ADAM19: variants seen among roughly 807,000 people sequenced by gnomAD.
The protein encoded by ADAM19 is disintegrin and metalloproteinase domain-containing protein 19.
In ADAM19, 65 loss-of-function variants were observed where a neutral mutation model predicts 114.7. That is an observed-to-expected ratio of 0.57 (90% CI 0.46 to 0.70). ADAM19 has a LOEUF of 0.70. ADAM19 is among the 30% of genes least tolerant of loss of function. ADAM19 has a pLI of 0.00. For missense variants in ADAM19, 1,063 were observed against 1,204.7 expected, an observed-to-expected ratio of 0.88 and a Z score of 1.74; for synonymous variants, 466 against 460.5, an observed-to-expected ratio of 1.01 and a Z score of -0.15.
At chr5:157,518,161 A>C (rs1756147832) in intron 7 of ADAM19, among the ~76,000 whole-genome samples, 1 of 152,174 alleles carries the variant, frequency 6.6e-6, no homozygotes, top group Non-Finnish European at 1.5e-5. Context: ...AAAGTTTTAG[A>C]ATTTCCATAG....
In ADAM19 at chr5:157,479,139, CG is replaced by C; in HGVS notation, c.*1809del. ...GATGACCCACAGCAAGGATGACCCACGGCAAGGACATGGGGAACCTGTATCA... is the reference window on the plus strand; with the variant it reads ...GATGACCCACAGCAAGGATGACCCACGCAAGGACATGGGGAACCTGTATCA... On this transcript the variant is annotated 3_prime_UTR_variant, in exon 23 of 23. Coordinates refer to ENST00000257527, the MANE Select transcript of ADAM19 (RefSeq NM_033274.5). 1.0e-6 allele frequency: 1 copy of C among 985,914 alleles called. No individual in the cohort carries two copies. The highest frequency in any genetic ancestry group is 1.2e-6 in the Non-Finnish European group (1 of 829,992). 61.1% of individuals were successfully genotyped at this position (985,914 alleles called of 1,614,324 possible). A position where few individuals can be genotyped will look rare whatever the true frequency, so the allele number is the denominator to read the frequency against.
Position 157,489,624 on chromosome 5 carries a change from C to T in ADAM19, c.2241-438G>A, listed in dbSNP as rs183481901. On this transcript the variant is annotated intron_variant, in intron 19 of 22. Transcript: ENST00000257527. ...AATACATCACTTTTCAAATGGGACA[C>T]CAAAAGCGAGCAGGAGTAGCTATTC... 5.2e-3 allele frequency among the ~76,000 whole-genome samples: 790 copies of T among 152,328 alleles called. 4 individuals are homozygous for T. Among genetic ancestry groups the T allele is most frequent in the Admixed American group, 9.6e-3 (147 of 15,306 alleles).
At position 157,497,042 on chromosome 5, in the gene ADAM19, G is replaced by A. The variant is rs774731029; in HGVS notation, c.1446C>T (p.Asp482=). 1 of 1,573,604 alleles carries A rather than the reference G, an allele frequency of 6.4e-7. No individual in the cohort carries two copies. The highest frequency in any genetic ancestry group is 8.6e-7 in the Non-Finnish European group (1 of 1,163,458). ...TLCREQARQC[D]LPEFCTGKSP... is the part of the protein sequence containing the mutation. ...ACTTGCCCGTACAGAACTCCGGGAG[G>A]TCACACTGCCTGGCCTGCTCGCGGC... Residue 482 remains aspartate, a synonymous_variant, in exon 14 of 23, where the codon GAC becomes GAT. Coordinates refer to ENST00000257527, the MANE Select transcript of ADAM19 (RefSeq NM_033274.5).
intron 12 of ADAM19, 109 bp downstream of exon 12, chr5:157,502,694 G>T: frequency 8.0e-7 from 1 of 1,247,594 alleles, no homozygotes; most frequent in Non-Finnish European, 1.2e-6. Context: ...ACAGTTATAT[G>T]TAGGAAACAC....
At chr5:157,558,360 G>A (rs1310796775) in intron 3 of ADAM19, among the ~76,000 whole-genome samples, 2 of 152,224 alleles carry the variant, frequency 1.3e-5, no homozygotes, top group African/African-American at 4.8e-5. Context: ...CCAGCTGCGA[G>A]TAGAGTTTGG....
intron 16 of ADAM19, among the ~76,000 whole-genome samples, 161 bp downstream of exon 16, chr5:157,492,812 G>T (rs1315609107): frequency 6.6e-6 from 1 of 152,162 alleles, no homozygotes; most frequent in Non-Finnish European, 1.5e-5. Flanking sequence ...AGTTCTCTGG[G>T]GTGGGTGCCT....
In ADAM19 at chr5:157,477,687, G is replaced by A; in HGVS notation, c.*3262C>T. ...TATACACGTGGTTAACACAATTACT[G>A]ACTTTGGAACTGGTCCCCAGTTTTC... On this transcript the variant is annotated 3_prime_UTR_variant, in exon 23 of 23. Transcript: ENST00000257527. 7.8e-7 allele frequency: 1 copy of A among 1,289,748 alleles called. No individual in the cohort carries two copies. Among genetic ancestry groups the A allele is most frequent in the Non-Finnish European group, 1.0e-6 (1 of 988,830 alleles). 79.9% of individuals were successfully genotyped at this position (1,289,748 alleles called of 1,614,324 possible).
intron 15 of ADAM19, among the ~76,000 whole-genome samples, chr5:157,494,263 AGATG>A (rs60209034): frequency 1.0e-3 from 156 of 151,006 alleles, no homozygotes; most frequent in Middle Eastern, 3.4e-3. Flanking sequence ...ATGGATGGAT[AGATG>A]GATGGATGGA....
In ADAM19 at chr5:157,481,839, A is replaced by G; in HGVS notation, c.2655T>C (p.Pro885=). The G allele has an allele frequency of 6.3e-7, 1 of 1,583,438 alleles. No homozygotes were observed. The highest frequency in any genetic ancestry group is 8.6e-7 in the Non-Finnish European group (1 of 1,164,150). Residue 885 remains proline, a synonymous_variant, in exon 22 of 23, where the codon CCT becomes CCC. Coordinates refer to ENST00000257527, the MANE Select transcript of ADAM19 (RefSeq NM_033274.5). ...RPGGASPLRP[P]GAGPQQSRPL... is the part of the protein sequence containing the mutation. ...GCCGGGACTGCTGAGGGCCAGCACC[A>G]GGGGGCCGCAGTGGGGATGCACCTC...
chr5:157,495,632 A>G (rs967519763), intron 14 of ADAM19, among the ~76,000 whole-genome samples: 1 of 151,968 alleles, frequency 6.6e-6, no homozygotes, highest in South Asian at 2.1e-4. Flanking sequence ...ATGGAAGCAT[A>G]TTCTTTTTTT....
At chr5:157,551,411 C>A (rs1478549393) in intron 3 of ADAM19, among the ~76,000 whole-genome samples, 1 of 73,486 alleles carries the variant, frequency 1.4e-5, no homozygotes, top group African/African-American at 6.1e-5. Flanking sequence ...CCCCCCAACC[C>A]CAAAAAAAAA....
chr5:157,491,175 T>A (rs1468708181), intron 18 of ADAM19, among the ~76,000 whole-genome samples: 1 of 152,190 alleles, frequency 6.6e-6, no homozygotes, highest in Non-Finnish European at 1.5e-5. Flanking sequence ...GCTAGAATCC[T>A]TGAGAGATCC....
intron 4 of ADAM19, among the ~76,000 whole-genome samples, chr5:157,536,014 G>A (rs1356703973): frequency 6.6e-6 from 1 of 152,220 alleles, no homozygotes; most frequent in East Asian, 1.9e-4. Context: ...TGAAGAATAT[G>A]AAGTCACAAC....
At chr5:157,490,757 T>C (rs1755125945) in intron 18 of ADAM19, among the ~76,000 whole-genome samples, 1 of 152,040 alleles carries the variant, frequency 6.6e-6, no homozygotes, top group Non-Finnish European at 1.5e-5. Flanking sequence ...CTAGGTGTGG[T>C]GGCACATGCC....
chr5:157,497,959 A>G (rs1755421289), intron 13 of ADAM19, among the ~76,000 whole-genome samples: 1 of 152,252 alleles, frequency 6.6e-6, no homozygotes, highest in South Asian at 2.1e-4. Flanking sequence ...CTGAGGCTCA[A>G]ACGGAAATTC....
rs189494130 is a variant in ADAM19, at chr5:157,543,944, G to C, written c.252-5953C>G. ...TCTAAGATGCTGAAAGAAAAGCAGG[G>C]AAGAGACAGCCAGAGCTGCTTCAGA... On this transcript the variant is annotated intron_variant, in intron 3 of 22. Transcript: ENST00000257527. 2.5e-3 allele frequency among the ~76,000 whole-genome samples: 379 copies of C among 152,316 alleles called. 4 individuals carry two copies. Among genetic ancestry groups the C allele is most frequent in the African/African-American group, 8.8e-3 (366 of 41,572 alleles).
At chr5:157,492,064 G>T in intron 16 of ADAM19, 152 bp from the exon 17 acceptor site, 1 of 653,986 alleles carries the variant, frequency 1.5e-6, no homozygotes, top group South Asian at 1.7e-5. Flanking sequence ...GGCTGAGGTG[G>T]GCGGATCACC....
rs766223837 is a variant in ADAM19, at chr5:157,509,348, C to T, written c.858G>A (p.Arg286=). 9.9e-6 allele frequency: 16 copies of T among 1,612,584 alleles called. No homozygotes were observed. The East Asian group carries it at 3.6e-4, about 36-fold the overall frequency. The change falls in exon 9 of 23, where the codon AGG becomes AGA. Residue 286 remains arginine (R), a synonymous_variant. Transcript: ENST00000257527. ...YSTLWSFLSW[R]RKLLAQKYHD... ...GGTACTTCTGGGCAAGCAGCTTGCG[C>T]CTCCAACTGAGAAAGGACCAGAGGG...
chr5:157,558,502 G>A (rs1757423881), intron 3 of ADAM19, among the ~76,000 whole-genome samples: 1 of 152,226 alleles, frequency 6.6e-6, no homozygotes, highest in Non-Finnish European at 1.5e-5. Context: ...GCAACTCAGT[G>A]AAGCATGGTT....
Sources: allele counts gnomAD v4.1 joint callset (sites outside exome capture counted in the v4.1 genomes callset), GRCh38; gene constraint gnomAD v4.1.1; transcripts MANE v1.5; gene names NCBI Gene and HGNC (gene_info 2026-07-23, HGNC 2026-07-21).